TCAIM: variants seen among roughly 807,000 people sequenced by gnomAD.
TCAIM encodes T cell activation inhibitor, mitochondrial.
A neutral mutation model predicts 58.6 loss-of-function variants in TCAIM; 36 were observed. The ratio of observed to expected loss-of-function variants is 0.61; its 90% CI spans 0.47 to 0.81. TCAIM has a LOEUF of 0.81. Ranked by LOEUF, TCAIM falls within the 30% of genes least tolerant of loss-of-function variation. The probability of loss-of-function intolerance (pLI) is 0.00; values close to 1 mark genes in which losing one functional copy is unlikely to be tolerated. For missense variants in TCAIM, 466 were observed against 579.6 expected (o/e 0.80, Z 2.01); for synonymous variants, 172 against 193.6 (o/e 0.89, Z 0.93).
chr3:44,402,284 G>T (rs56375707), intron 10 of TCAIM, among the ~76,000 whole-genome samples: 22,315 of 151,590 alleles, frequency 0.15, 1,688 homozygotes, highest in Admixed American at 0.17. Flanking sequence ...ATGGCACCAT[G>T]CCTGTATCCC....
chr3:44,401,268 C>T lies in TCAIM; in HGVS notation c.1184C>T (p.Ala395Val). ...HFNIPTLCDP[A>V]NLQWFILTKA... ...AATATTCCAACACTCTGTGATCCAG[C>T]AAATCTCCAGTGGTTTATTCTCACC... The change falls in exon 10 of 11, where the codon GCA becomes GTA. Residue 395 changes from alanine to valine, a missense_variant. Physicochemically the swap from Ala to Val is moderately conservative, Grantham distance 64. Coordinates refer to ENST00000342649, the MANE Select transcript of TCAIM (RefSeq NM_173826.4). The T allele has an allele frequency of 1.2e-6, 2 of 1,613,980 alleles. No homozygotes were observed. The highest frequency in any genetic ancestry group is 1.3e-5 in the African/African-American group (1 of 75,012).
rs564314369 is a variant in TCAIM at position 44,389,758 on chromosome 3, AC to A, written c.573-3096del. On this transcript the variant is annotated intron_variant, in intron 5 of 10. Transcript: ENST00000342649. ...AAAGTCATTGAATTAAAAAAAAAAA[AC>A]ATCGAACACTTTCACCTAGAGGATA... is the stretch of plus-strand genomic sequence containing the variant. 2.5e-3 allele frequency among the ~76,000 whole-genome samples: 378 copies of A among 151,332 alleles called. 4 individuals are homozygous for A. The highest frequency in any genetic ancestry group is 0.01 in the Middle Eastern group (3 of 292).
intron 1 of TCAIM, among the ~76,000 whole-genome samples, chr3:44,343,271 A>G (rs1313370992): frequency 6.6e-6 from 1 of 152,192 alleles, no homozygotes; most frequent in Admixed American, 6.5e-5. Flanking sequence ...GAAGATGTCA[A>G]GATTTGAATA....
intron 5 of TCAIM, among the ~76,000 whole-genome samples, chr3:44,374,286 C>CTTTTT (rs753252645): frequency 2.5e-5 from 3 of 119,864 alleles, no homozygotes; most frequent in East Asian, 2.9e-4. Flanking sequence ...GCTTTGCTTT[C>CTTTTT]TTTTTTTTTT....
At chr3:44,350,782 G>C (rs1019771238) in intron 1 of TCAIM, among the ~76,000 whole-genome samples, 2 of 152,048 alleles carry the variant, frequency 1.3e-5, no homozygotes, top group Non-Finnish European at 2.9e-5. Context: ...AAAATAAGAA[G>C]CAAAATGAAA....
At chr3:44,388,644 T>G (rs974505340) in intron 5 of TCAIM, among the ~76,000 whole-genome samples, 13 of 152,234 alleles carry the variant, frequency 8.5e-5, no homozygotes, top group Non-Finnish European at 1.8e-4. Flanking sequence ...CATTAGATTT[T>G]TACTTCCTCA....
chr3:44,364,434 C>G (rs1029311376), intron 4 of TCAIM, among the ~76,000 whole-genome samples: 1 of 151,956 alleles, frequency 6.6e-6, no homozygotes, highest in African/African-American at 2.4e-5. Context: ...ATATAAATGT[C>G]AGTTAAGTAT....
chr3:44,361,352 T>C lies in TCAIM; in HGVS notation c.166-13T>C. 6.3e-7 allele frequency: 1 copy of C among 1,589,568 alleles called. No individual in the cohort carries two copies. Among genetic ancestry groups the C allele is most frequent in the Non-Finnish European group, 8.5e-7 (1 of 1,171,382 alleles). ...CTATTTTGTATGTAAATGCCCTTAA[T>C]GTTTTTTTCCAGGAAATCAATGAAA... On this transcript the variant is annotated splice_polypyrimidine_tract_variant and intron_variant, in intron 3 of 10. Coordinates refer to ENST00000342649, the MANE Select transcript of TCAIM (RefSeq NM_173826.4).
chr3:44,344,549 G>C (rs908520905), intron 1 of TCAIM, among the ~76,000 whole-genome samples: 13 of 152,176 alleles, frequency 8.5e-5, no homozygotes, highest in Non-Finnish European at 1.8e-4. Flanking sequence ...TAGGGGGCAA[G>C]ATAGCCCTCT....
At chr3:44,399,938 T>C (rs1254803509) in intron 8 of TCAIM, among the ~76,000 whole-genome samples, 2 of 152,232 alleles carry the variant, frequency 1.3e-5, no homozygotes, top group African/African-American at 4.8e-5. Context: ...TTTATTGCAC[T>C]TAATTGTATT....
In TCAIM at chr3:44,408,876, G is replaced by C. The variant is rs1343796343; in HGVS notation, c.*1194G>C. On this transcript the variant is annotated 3_prime_UTR_variant, in exon 11 of 11. Coordinates refer to ENST00000342649, the MANE Select transcript of TCAIM (RefSeq NM_173826.4). ...TGTCCCCAGCACAGCCGAGAGACCT[G>C]ATCTCTGGATTCAGTGCTTTTAGCT... The C allele has an allele frequency of 2.6e-5, 4 of 152,160 alleles. No homozygotes were observed. The highest frequency in any genetic ancestry group is 5.9e-5 in the Non-Finnish European group (4 of 68,048). The allele number at this position is 152,160 out of a possible 1,614,324, so 9.4% of individuals were successfully genotyped here. A position where few individuals can be genotyped will look rare whatever the true frequency, so the allele number is the denominator to read the frequency against.
intron 1 of TCAIM, among the ~76,000 whole-genome samples, chr3:44,343,620 A>G (rs1488490733): frequency 1.3e-5 from 2 of 152,220 alleles, no homozygotes; most frequent in African/African-American, 4.8e-5. Context: ...CACAGTAGCT[A>G]CATGTGGCTA....
chr3:44,384,225 T>C (rs1364787605), intron 5 of TCAIM, among the ~76,000 whole-genome samples: 1 of 152,270 alleles, frequency 6.6e-6, no homozygotes, highest in Non-Finnish European at 1.5e-5. Context: ...ATTCAGGCAG[T>C]AATGATCCTT....
At chr3:44,403,290 GA>G (rs1178253871) in intron 10 of TCAIM, among the ~76,000 whole-genome samples, 2 of 152,080 alleles carry the variant, frequency 1.3e-5, no homozygotes, top group East Asian at 3.9e-4. Flanking sequence ...TAAATAGAGA[GA>G]AGGGATGGCA....
chr3:44,341,833 A>G (rs1449663282), intron 1 of TCAIM, among the ~76,000 whole-genome samples: 1 of 152,168 alleles, frequency 6.6e-6, no homozygotes, highest in Non-Finnish European at 1.5e-5. Context: ...TTCATAAGTG[A>G]TGTACCCCTG....
chr3:44,405,711 T>A (rs1702089057), intron 10 of TCAIM, among the ~76,000 whole-genome samples: 1 of 151,612 alleles, frequency 6.6e-6, no homozygotes, highest in South Asian at 2.1e-4. Context: ...ATCCCAGCAC[T>A]TTGGGAGGCT....
At chr3:44,342,126 TAA>T (rs1700866830) in intron 1 of TCAIM, among the ~76,000 whole-genome samples, 1 of 152,154 alleles carries the variant, frequency 6.6e-6, no homozygotes, top group Non-Finnish European at 1.5e-5. Context: ...TTTTATAAAA[TAA>T]AGACAAAATT....
Position 44,401,346 on chromosome 3 carries a change from C to T in TCAIM, c.1250+12C>T. 6.2e-7 allele frequency: 1 copy of T among 1,613,188 alleles called. No individual in the cohort carries two copies. Among genetic ancestry groups the T allele is most frequent in the Non-Finnish European group, 8.5e-7 (1 of 1,179,674 alleles). ...AAAAGAAAGGAAGAGTAAGTACTGC[C>T]AGTCTTCTGTAAAGTCAGATCATTC... On this transcript the variant is annotated intron_variant, in intron 10 of 10. Transcript: ENST00000342649.
chr3:44,350,199 G>C lies in TCAIM; in HGVS notation c.-44-4540G>C, dbSNP rs894585125. 2.0e-5 allele frequency among the ~76,000 whole-genome samples: 3 copies of C among 152,144 alleles called. No homozygotes were observed. The South Asian group carries it at 6.2e-4, about 31-fold the overall frequency. On this transcript the variant is annotated intron_variant, in intron 1 of 10. Coordinates refer to ENST00000342649, the MANE Select transcript of TCAIM (RefSeq NM_173826.4). ...GGTAGTGAAAAATTACAGTCAAACG[G>C]GGTTGTTCTCTTGAGGGCAGGGGCG...
Sources: gnomAD v4.1 joint callset for allele counts (sites outside exome capture counted in the v4.1 genomes callset) on GRCh38, gnomAD v4.1.1 for gene constraint, MANE v1.5 for transcripts, NCBI Gene and HGNC (gene_info 2026-07-23, HGNC 2026-07-21) for gene names.